CREB3L1: variants seen among roughly 807,000 people sequenced by gnomAD.
CREB3L1 encodes cAMP responsive element binding protein 3 like 1, also known as cyclic AMP-responsive element-binding protein 3-like protein 1.
A neutral mutation model predicts 54.5 loss-of-function variants in CREB3L1; 33 were observed. The ratio of observed to expected loss-of-function variants is 0.61; its 90% CI spans 0.46 to 0.81. The LOEUF (loss-of-function observed/expected upper bound fraction) is 0.81, where lower values mean the gene tolerates loss of function less well. Among genes scored for constraint, CREB3L1 ranks in the 30% least tolerant of loss-of-function variants. The pLI is 0.00. For synonymous variants in CREB3L1, 284 were observed against 286.4 expected, an observed-to-expected ratio of 0.99 and a Z score of 0.08; for missense variants, 656 against 673.3, an observed-to-expected ratio of 0.97 and a Z score of 0.29.
chr11:46,311,127 G>A lies in CREB3L1; in HGVS notation c.691G>A (p.Val231Ile). 1 of 1,606,520 alleles carries A rather than the reference G, an allele frequency of 6.2e-7. No individual in the cohort carries two copies. Among genetic ancestry groups the A allele is most frequent in the Non-Finnish European group, 8.5e-7 (1 of 1,179,094 alleles). Residue 231 changes from valine to isoleucine, a missense_variant, in exon 5 of 12, where the codon GTC becomes ATC. Coordinates refer to ENST00000621158, the MANE Select transcript of CREB3L1 (RefSeq NM_052854.4). Reference sequence around the variant, plus strand: ...CCGCTCTCTGCCCCCCTCCAGCCCTGTCAGGCCCATGGCGCGCTCCTCCAC... The same window carrying A: ...CCGCTCTCTGCCCCCCTCCAGCCCTATCAGGCCCATGGCGCGCTCCTCCAC... The part of the protein sequence containing the change: ...SPRSLPPSSP[V>I]RPMARSSTAI...
rs1334187551 is a variant in CREB3L1, at chr11:46,278,317, G to C, written c.102+104G>C. ...GACTACACATCACTGGGCAGGAGCC[G>C]GGGAGAGGGTTCAGCGCAGGGTCTC... is the stretch of plus-strand genomic sequence containing the variant. On this transcript the variant is annotated intron_variant, in intron 1 of 11. Transcript: ENST00000621158. The surrounding 1 kb of genome is among the most constrained non-coding windows in gnomAD (Gnocchi z 4.2). 9.1e-6 allele frequency: 6 copies of C among 661,800 alleles called. No homozygotes were observed. Among genetic ancestry groups the C allele is most frequent in the Non-Finnish European group, 1.5e-5 (6 of 397,330 alleles). 41.0% of individuals were successfully genotyped at this position (661,800 alleles called of 1,614,324 possible).
At chr11:46,297,145 A>C in intron 1 of CREB3L1, among the ~76,000 whole-genome samples, 1 of 152,162 alleles carries the variant, frequency 6.6e-6, no homozygotes, top group South Asian at 2.1e-4. Flanking sequence ...CCTAAGGGAG[A>C]GAACTGGCGG....
chr11:46,315,690 C>T (rs1375316194), intron 8 of CREB3L1: 15 of 175,452 alleles, frequency 8.5e-5, no homozygotes, highest in Non-Finnish European at 1.2e-5. Flanking sequence ...GGCATGGTGG[C>T]GCACGCCTGT....
chr11:46,312,579 T>C, intron 6 of CREB3L1, 33 bp from the exon 7 acceptor site: 2 of 1,608,922 alleles, frequency 1.2e-6, no homozygotes, highest in Non-Finnish European at 1.7e-6. Context: ...TATGTGGCAG[T>C]GCTAACCCTT....
chr11:46,316,255 G>T (rs1490358574), intron 8 of CREB3L1, 31 bp from the exon 9 acceptor site: 4 of 1,448,588 alleles, frequency 2.8e-6, no homozygotes, highest in Non-Finnish European at 3.8e-6. Flanking sequence ...CGGGGTCAAA[G>T]CCTGCCAGCT....
chr11:46,279,416 C>T (rs1938933952), intron 1 of CREB3L1, among the ~76,000 whole-genome samples: 1 of 152,168 alleles, frequency 6.6e-6, no homozygotes. Flanking sequence ...TTAAGCAGCA[C>T]ATCCTGGTCA....
At chr11:46,316,997 G>A (rs754483350) in intron 9 of CREB3L1, among the ~76,000 whole-genome samples, 14 of 152,198 alleles carry the variant, frequency 9.2e-5, no homozygotes, top group Non-Finnish European at 2.1e-4. Context: ...ATCCTGCTGA[G>A]AACGTGATGT....
chr11:46,305,522 A>G (rs1939368819), intron 2 of CREB3L1, among the ~76,000 whole-genome samples: 1 of 150,456 alleles, frequency 6.6e-6, no homozygotes, highest in Non-Finnish European at 1.5e-5. Flanking sequence ...CCCTGCCTCC[A>G]TCTTGCCTGC....
chr11:46,303,089 C>T (rs891045891), intron 2 of CREB3L1, among the ~76,000 whole-genome samples: 2 of 152,156 alleles, frequency 1.3e-5, no homozygotes, highest in African/African-American at 4.8e-5. Flanking sequence ...GATTCTCAAC[C>T]GCAAACCCTT....
intron 1 of CREB3L1, among the ~76,000 whole-genome samples, chr11:46,281,635 G>T (rs1431563412): frequency 1.3e-5 from 2 of 152,196 alleles, no homozygotes; most frequent in African/African-American, 2.4e-5. Context: ...GGAGGCGGTG[G>T]GGGCTAAGGC....
rs1268452600 is a variant in CREB3L1, at chr11:46,312,335, G to A, written c.764G>A (p.Gly255Glu). 1.3e-6 allele frequency: 2 copies of A among 1,597,452 alleles called. No homozygotes were observed. The highest frequency in any genetic ancestry group is 2.3e-5 in the East Asian group (1 of 44,204). ...TCATACTTCCTACAGAAATTACAGG[G>A]GACATCAGGGCCACTGCTCCTGACA... ...PLLTAPHKLQ[G>E]TSGPLLLTEE... is the part of the protein sequence containing the mutation. Residue 255 changes from glycine (G) to glutamate (E), a missense_variant, in exon 6 of 12, where the codon GGG (glycine) becomes GAG (glutamate). Around this residue, in one of 3 missense-constraint regions of CREB3L1, gnomAD observed 77 missense variants for 122.0 expected, o/e 0.63. Coordinates refer to ENST00000621158, the MANE Select transcript of CREB3L1 (RefSeq NM_052854.4).
chr11:46,302,414 A>G (rs1270456329), intron 2 of CREB3L1, among the ~76,000 whole-genome samples: 1 of 152,070 alleles, frequency 6.6e-6, no homozygotes, highest in Non-Finnish European at 1.5e-5. Context: ...AGCATTCAAG[A>G]CCCACATTGT....
intron 6 of CREB3L1, 62 bp downstream of exon 6, chr11:46,312,536 C>A (rs1276764651): frequency 1.4e-5 from 22 of 1,608,768 alleles, no homozygotes; most frequent in South Asian, 1.1e-4. Context: ...CCCTGGCATA[C>A]CAGCTCTGAA....
In CREB3L1 at chr11:46,313,677, CA is replaced by C. The variant is rs941838320; in HGVS notation, c.1031+769del. ...CTCCAGCCTGGGCCAGACTCTGTCTCAAAAAAAAAAATGCAGAATTTCAGAA... is the reference window on the plus strand; with the variant it reads ...CTCCAGCCTGGGCCAGACTCTGTCTCAAAAAAAAAATGCAGAATTTCAGAA... On this transcript the variant is annotated intron_variant, in intron 8 of 11. Coordinates refer to ENST00000621158, the MANE Select transcript of CREB3L1 (RefSeq NM_052854.4). Among the ~76,000 whole-genome samples the C allele has an allele frequency of 1.4e-4, 21 of 145,618 alleles. 1 individual carries two copies. Among genetic ancestry groups the C allele is most frequent in the South Asian group, 6.5e-4 (3 of 4,630 alleles).
At chr11:46,305,336 T>TGCTCCCCACC (rs1186234428) in intron 2 of CREB3L1, among the ~76,000 whole-genome samples, 88 of 152,076 alleles carry the variant, frequency 5.8e-4, no homozygotes, top group African/African-American at 2.0e-3. Flanking sequence ...CACCTCTCAC[T>TGCTCCCCACC]GCTCCCCACC....
At position 46,311,205 on chromosome 11, in the gene CREB3L1, T is replaced by C; in HGVS notation, c.753+16T>C. On this transcript the variant is annotated intron_variant, in intron 5 of 11. Coordinates refer to ENST00000621158, the MANE Select transcript of CREB3L1 (RefSeq NM_052854.4). ...TGCCCCTCACGTAAGGAGCTGGGGGTGGGCTGATCCCAGAAATGAGGAATT... is the reference window on the plus strand; with the variant it reads ...TGCCCCTCACGTAAGGAGCTGGGGGCGGGCTGATCCCAGAAATGAGGAATT... The C allele has an allele frequency of 6.5e-7, 1 of 1,545,532 alleles. No individual in the cohort carries two copies. The highest frequency in any genetic ancestry group is 8.7e-7 in the Non-Finnish European group (1 of 1,151,078).
At chr11:46,288,472 G>A (rs1228011563) in intron 1 of CREB3L1, among the ~76,000 whole-genome samples, 3 of 152,194 alleles carry the variant, frequency 2.0e-5, no homozygotes, top group Non-Finnish European at 4.4e-5. Flanking sequence ...TAAAAGGAAG[G>A]CCCATGGCAT....
chr11:46,294,892 A>G (rs942654285), intron 1 of CREB3L1, among the ~76,000 whole-genome samples: 3 of 151,448 alleles, frequency 2.0e-5, no homozygotes, highest in African/African-American at 7.3e-5. Flanking sequence ...GGGGGAAAGA[A>G]AGGGGGAAAT....
chr11:46,280,500 TTTC>T (rs1311601005), intron 1 of CREB3L1, among the ~76,000 whole-genome samples: 18 of 152,156 alleles, frequency 1.2e-4, no homozygotes, highest in Non-Finnish European at 2.5e-4. Flanking sequence ...AAAAGTGACT[TTTC>T]TTCTTCTGGG....
Sources: gnomAD v4.1 joint callset for allele counts (sites outside exome capture counted in the v4.1 genomes callset) on GRCh38, gnomAD v4.1.1 for gene constraint, gnomAD v4.1.1 regional missense constraint, Gnocchi (gnomAD v3.1) non-coding constraint, MANE v1.5 for transcripts, NCBI Gene and HGNC (gene_info 2026-07-23, HGNC 2026-07-21) for gene names.